The following NRG2 variants were observed in gnomAD, a reference collection of about 807,000 sequenced individuals.
NRG2 encodes the protein neuregulin 2, also known as pro-neuregulin-2, membrane-bound isoform.
In NRG2, 27 loss-of-function variants were observed where a neutral mutation model predicts 73.9. The ratio of observed to expected loss-of-function variants is 0.37; its 90% CI spans 0.27 to 0.50. The LOEUF (loss-of-function observed/expected upper bound fraction) is 0.50, where lower values mean the gene tolerates loss of function less well. Among genes scored for constraint, NRG2 ranks in the 20% least tolerant of loss-of-function variants. The pLI is 0.96. For missense variants in NRG2, 1,126 were observed against 1,210.1 expected (o/e 0.93, Z 1.03); for synonymous variants, 532 against 541.0 (o/e 0.98, Z 0.23).
At chr5:139,860,501 G>C (rs1049870176) in intron 5 of NRG2, among the ~76,000 whole-genome samples, 6 of 152,274 alleles carry the variant, frequency 3.9e-5, no homozygotes, top group Admixed American at 6.5e-5. Context: ...GAGTCTGTGG[G>C]AGGGAGTGGG....
chr5:139,863,565 C>T (rs1490590341), intron 5 of NRG2, among the ~76,000 whole-genome samples: 2 of 152,196 alleles, frequency 1.3e-5, no homozygotes, highest in African/African-American at 2.4e-5. Flanking sequence ...TCAGGACAGG[C>T]TGGGACTCGC....
In NRG2 at chr5:139,852,858, G is replaced by C. The variant is rs771409794; in HGVS notation, c.1416+46C>G. 6.2e-7 allele frequency: 1 copy of C among 1,610,260 alleles called. No individual in the cohort carries two copies. Among genetic ancestry groups the C allele is most frequent in the Non-Finnish European group, 8.5e-7 (1 of 1,179,122 alleles). On this transcript the variant is annotated intron_variant, in intron 7 of 9. Transcript: ENST00000361474. This position sits in a 1 kb window ranked among gnomAD's most constrained non-coding sequence, Gnocchi z 4.4. The stretch of plus-strand genomic sequence containing the variant: ...CCTTGCAGGGGGCATGAGAAGGCTG[G>C]CTGTCCACTGAGGGCTCAGAAGGGG...
rs1762017680 is a variant in NRG2, at chr5:140,042,577, CCA to C, written c.491_492del (p.Leu164ArgfsTer44). 1 of 1,612,514 alleles carries C rather than the reference CCA, an allele frequency of 6.2e-7. No individual in the cohort carries two copies. The highest frequency in any genetic ancestry group is 8.5e-7 in the Non-Finnish European group (1 of 1,179,654). ...ASGRVALVKV[L>X]DKWPLRSGGL... ...CCCCCGCTCCGGAGCGGCCACTTGT[CCA>C]GCACCTTTACCAACGCCACCCGACC... is the stretch of plus-strand genomic sequence containing the variant. On this transcript the variant is annotated frameshift_variant, in exon 1 of 10. Coordinates refer to ENST00000361474, the MANE Select transcript of NRG2 (RefSeq NM_004883.3). LOFTEE classifies it high-confidence loss of function.
chr5:139,927,081 C>T (rs79008141), intron 1 of NRG2, among the ~76,000 whole-genome samples: 2 of 152,320 alleles, frequency 1.3e-5, no homozygotes, highest in East Asian at 3.9e-4. Context: ...CAGCCACCCA[C>T]CCCCAGGACT....
intron 1 of NRG2, among the ~76,000 whole-genome samples, chr5:139,924,733 C>A (rs1751927051): frequency 6.6e-6 from 1 of 152,162 alleles, no homozygotes; most frequent in Non-Finnish European, 1.5e-5. Flanking sequence ...TAGAAAGAAT[C>A]TTTCTGTAAG....
At chr5:139,953,107 G>A (rs1362096336) in intron 1 of NRG2, among the ~76,000 whole-genome samples, 1 of 152,218 alleles carries the variant, frequency 6.6e-6, no homozygotes, top group African/African-American at 2.4e-5. Context: ...CACTTTCTGG[G>A]ATTGGGGGTG....
intron 1 of NRG2, among the ~76,000 whole-genome samples, chr5:139,949,245 A>G (rs1308538091): frequency 6.6e-6 from 1 of 152,198 alleles, no homozygotes; most frequent in Non-Finnish European, 1.5e-5. Flanking sequence ...CCCTTAAAAA[A>G]TCAATCAATA....
chr5:139,997,990 G>A (rs1758149477), intron 1 of NRG2, among the ~76,000 whole-genome samples: 1 of 152,224 alleles, frequency 6.6e-6, no homozygotes, highest in Non-Finnish European at 1.5e-5. Context: ...GAGGAGTGGG[G>A]TACGTGGGGC....
intron 5 of NRG2, among the ~76,000 whole-genome samples, chr5:139,862,911 G>C (rs1762247124): frequency 6.6e-6 from 1 of 152,216 alleles, no homozygotes; most frequent in Non-Finnish European, 1.5e-5. Flanking sequence ...GCAGTCACAG[G>C]CTCTTTCTTT....
At chr5:139,988,149 C>A (rs1757317154) in intron 1 of NRG2, among the ~76,000 whole-genome samples, 2 of 151,990 alleles carry the variant, frequency 1.3e-5, no homozygotes, top group Admixed American at 1.3e-4. Flanking sequence ...CATGACAACA[C>A]CAAATGCTGG....
chr5:139,978,733 A>C (rs1472987556), intron 1 of NRG2, among the ~76,000 whole-genome samples: 2 of 152,142 alleles, frequency 1.3e-5, no homozygotes, highest in African/African-American at 4.8e-5. Context: ...GACTCTTTTT[A>C]TATTGCGGCA....
At chr5:140,007,423 C>T (rs1300836806) in intron 1 of NRG2, among the ~76,000 whole-genome samples, 4 of 151,910 alleles carry the variant, frequency 2.6e-5, no homozygotes, top group Non-Finnish European at 4.4e-5. Flanking sequence ...GCTCATTTCA[C>T]TCCAGAGCCA....
chr5:139,876,128 G>A (rs1174977252), intron 3 of NRG2, among the ~76,000 whole-genome samples: 2 of 152,164 alleles, frequency 1.3e-5, no homozygotes, highest in South Asian at 2.1e-4. Context: ...CCAAACTTAT[G>A]AGTGGATAAA....
intron 3 of NRG2, among the ~76,000 whole-genome samples, chr5:139,878,912 A>G (rs1303187467): frequency 6.6e-6 from 1 of 152,170 alleles, no homozygotes; most frequent in East Asian, 1.9e-4. Context: ...CTTATATAAT[A>G]TTTACCAGGC....
intron 1 of NRG2, among the ~76,000 whole-genome samples, chr5:139,922,070 CAAA>C (rs35988908): frequency 1.3e-4 from 10 of 77,168 alleles, no homozygotes; most frequent in East Asian, 3.9e-4. Context: ...GATTCTGTCT[CAAA>C]AAAAAAAAAA....
intron 4 of NRG2, among the ~76,000 whole-genome samples, chr5:139,867,576 G>A (rs1762540586): frequency 6.6e-6 from 1 of 152,156 alleles, no homozygotes; most frequent in South Asian, 2.1e-4. Context: ...CTTGGAAACT[G>A]ATGTCCACTT....
intron 1 of NRG2, among the ~76,000 whole-genome samples, chr5:140,018,867 C>T (rs913716592): frequency 1.3e-5 from 2 of 152,158 alleles, no homozygotes; most frequent in Non-Finnish European, 2.9e-5. Flanking sequence ...ATTTACAGTG[C>T]CAGTGTTTCT....
intron 5 of NRG2, among the ~76,000 whole-genome samples, chr5:139,859,602 C>G (rs1019511160): frequency 6.6e-6 from 1 of 152,094 alleles, no homozygotes; most frequent in Non-Finnish European, 1.5e-5. Context: ...GGGGGCCCTC[C>G]CCTCTGAGCT....
rs1762653769 is a variant in NRG2 at position 139,868,737 on chromosome 5, G to A, written c.1112+2984C>T. 6.6e-6 allele frequency among the ~76,000 whole-genome samples: 1 copy of A among 152,146 alleles called. No homozygotes were observed. Among genetic ancestry groups the A allele is most frequent in the East Asian group, 1.9e-4 (1 of 5,192 alleles). ...CACCCGGGGGAGGGGGTGGATGAAG[G>A]ATGGCGGTGTGCCCCGGGCACTGGA... On this transcript the variant is annotated intron_variant, in intron 4 of 9. Transcript: ENST00000361474. The surrounding 1 kb of genome is among the most constrained non-coding windows in gnomAD (Gnocchi z 4.2).
Sources: gnomAD v4.1 joint callset for allele counts (sites outside exome capture counted in the v4.1 genomes callset) on GRCh38, gnomAD v4.1.1 for gene constraint, Gnocchi (gnomAD v3.1) non-coding constraint, MANE v1.5 for transcripts, NCBI Gene and HGNC (gene_info 2026-07-23, HGNC 2026-07-21) for gene names.